KLHL7: variants seen among roughly 807,000 people sequenced by gnomAD.
KLHL7 encodes kelch like family member 7, also known as kelch-like protein 7.
A neutral mutation model predicts 67.4 loss-of-function variants in KLHL7; 44 were observed. The ratio of observed to expected loss-of-function variants is 0.65; its 90% confidence interval spans 0.51 to 0.84. The LOEUF (loss-of-function observed/expected upper bound fraction) is 0.84, where lower values mean the gene tolerates loss of function less well. Ranked by LOEUF, KLHL7 falls within the 40% of genes least tolerant of loss-of-function variation. The pLI is 0.00. For synonymous variants in KLHL7, 252 were observed against 243.3 expected (o/e 1.04, Z -0.33); for missense variants, 362 against 718.1 (o/e 0.50, Z 5.67).
intron 1 of KLHL7, among the ~76,000 whole-genome samples, chr7:23,118,515 G>A (rs1010487829): frequency 2.0e-5 from 3 of 152,176 alleles, no homozygotes; most frequent in African/African-American, 7.2e-5. Context: ...TAGGAAAGAA[G>A]AATGAGCCAG....
At chr7:23,124,316 A>G (rs78950318) in intron 2 of KLHL7, among the ~76,000 whole-genome samples, 279 of 152,154 alleles carry the variant, frequency 1.8e-3, no homozygotes, top group African/African-American at 6.5e-3. Context: ...TAAAAAAAAA[A>G]TAGCTGTAGC....
chr7:23,133,743 C>T (rs1783880362), intron 4 of KLHL7, among the ~76,000 whole-genome samples: 1 of 152,048 alleles, frequency 6.6e-6, no homozygotes, highest in Non-Finnish European at 1.5e-5. Flanking sequence ...CCTCTTATTT[C>T]TTTTTCACAT....
rs1583666597 is a variant in KLHL7 at position 23,129,578 on chromosome 7, G to A, written c.442+4406G>A. ...TGTTCATCTAGCTAGTGGCCGAGTC[G>A]ACTACATTGAATTCAACCGTCCCCA... On this transcript the variant is annotated intron_variant, in intron 4 of 10. Transcript: ENST00000339077. 15 of 209,460 alleles carry A rather than the reference G, an allele frequency of 7.2e-5. 1 individual carries two copies. In the South Asian group the frequency reaches 1.1e-3, roughly 15 times the overall value. 13.0% of individuals were successfully genotyped at this position (209,460 alleles called of 1,614,324 possible).
intron 4 of KLHL7, among the ~76,000 whole-genome samples, chr7:23,132,542 T>C (rs527905752): frequency 6.6e-6 from 1 of 152,364 alleles, no homozygotes; most frequent in Admixed American, 6.5e-5. Flanking sequence ...TTCTGGTTAT[T>C]AATCCTTTGT....
In KLHL7 at chr7:23,174,728, C is replaced by G. The variant is rs920773155; in HGVS notation, c.*430C>G. On this transcript the variant is annotated 3_prime_UTR_variant, in exon 11 of 11. Coordinates refer to ENST00000339077, the MANE Select transcript of KLHL7 (RefSeq NM_001031710.3). ...CTAAGAAATAGTATGAATTGTAAGT[C>G]AAGATGGGCAACTCAGATGGAGCAG... 9.0e-5 allele frequency: 41 copies of G among 455,100 alleles called. No homozygotes were observed. In the East Asian group the frequency reaches 2.8e-3, roughly 31 times the overall value. 28.2% of individuals were successfully genotyped at this position (455,100 alleles called of 1,614,324 possible). A position where few individuals can be genotyped will look rare whatever the true frequency, so the allele number is the denominator to read the frequency against.
At chr7:23,139,088 T>G (rs1281058466) in intron 4 of KLHL7, among the ~76,000 whole-genome samples, 1 of 129,862 alleles carries the variant, frequency 7.7e-6, no homozygotes, top group African/African-American at 2.8e-5. Context: ...TTATTAATGC[T>G]AAAAAAAAAA....
chr7:23,148,268 A>G (rs1177045490), intron 6 of KLHL7, among the ~76,000 whole-genome samples: 1 of 152,204 alleles, frequency 6.6e-6, no homozygotes, highest in Non-Finnish European at 1.5e-5. Flanking sequence ...TTTTAATTAA[A>G]TGAAAACAAA....
rs979725863 is a variant in KLHL7 at position 23,165,751 on chromosome 7, A to C, written c.990A>C (p.Ala330=). The C allele has an allele frequency of 6.8e-6, 11 of 1,614,064 alleles. No homozygotes were observed. Among genetic ancestry groups the C allele is most frequent in the African/African-American group, 1.3e-5 (1 of 74,938 alleles). ...RCPFEKRRDA[A]CVFWDNVVYI... ...CCTTTGAAAAACGAAGAGATGCAGC[A>C]TGCGTGTTTTGGGACAATGTAGTAT... Residue 330 remains alanine (A), a synonymous_variant, in exon 8 of 11, where the codon GCA becomes GCC. Coordinates refer to ENST00000339077, the MANE Select transcript of KLHL7 (RefSeq NM_001031710.3).
In KLHL7 at chr7:23,152,118, A is replaced by G; in HGVS notation, c.845A>G (p.Asp282Gly). The change falls in exon 7 of 11, where the codon GAT becomes GGT. Residue 282 changes from aspartate (D) to glycine (G), a missense_variant. Coordinates refer to ENST00000339077, the MANE Select transcript of KLHL7 (RefSeq NM_001031710.3). ...LSPEDREELV[D>G]GTRPRRKKHD... ...CCAGAGGACCGAGAAGAACTTGTAG[A>G]TGGCACAAGACCTAGAAGAAAGAAA... is the stretch of plus-strand genomic sequence containing the variant. 2 of 1,613,884 alleles carry G rather than the reference A, an allele frequency of 1.2e-6. No homozygotes were observed. Among genetic ancestry groups the G allele is most frequent in the South Asian group, 1.1e-5 (1 of 91,076 alleles).
At chr7:23,149,801 G>A (rs528144478) in intron 6 of KLHL7, among the ~76,000 whole-genome samples, 21 of 152,298 alleles carry the variant, frequency 1.4e-4, no homozygotes, top group Admixed American at 2.6e-4. Context: ...TAGAGCTTGC[G>A]TCAGCATGCC....
intron 1 of KLHL7, among the ~76,000 whole-genome samples, chr7:23,113,881 T>C (rs1165665088): frequency 6.6e-6 from 1 of 152,266 alleles, no homozygotes; most frequent in African/African-American, 2.4e-5. Context: ...GTTGCCAGGC[T>C]GTTAATTCTT....
chr7:23,119,267 C>T (rs1049355831), intron 1 of KLHL7, among the ~76,000 whole-genome samples: 1 of 152,038 alleles, frequency 6.6e-6, no homozygotes, highest in African/African-American at 2.4e-5. Context: ...TGTAGTGGCA[C>T]GATCTCTGCT....
chr7:23,133,653 C>CA (rs772600688), intron 4 of KLHL7, among the ~76,000 whole-genome samples: 1 of 152,118 alleles, frequency 6.6e-6, no homozygotes, highest in Non-Finnish European at 1.5e-5. Context: ...AGGCTGTTCT[C>CA]AAACTCCTGA....
intron 5 of KLHL7, among the ~76,000 whole-genome samples, chr7:23,142,587 A>C (rs1413076306): frequency 2.0e-5 from 3 of 152,202 alleles, no homozygotes; most frequent in Non-Finnish European, 4.4e-5. Flanking sequence ...CATTAGCATC[A>C]TCAGTGATGT....
chr7:23,128,494 G>A (rs1339059124), intron 4 of KLHL7, among the ~76,000 whole-genome samples: 1 of 145,646 alleles, frequency 6.9e-6, no homozygotes, highest in Non-Finnish European at 1.5e-5. Context: ...TATTAAACCT[G>A]ATCAATGAAC....
At chr7:23,126,888 G>C (rs1783594091) in intron 4 of KLHL7, among the ~76,000 whole-genome samples, 1 of 152,182 alleles carries the variant, frequency 6.6e-6, no homozygotes, top group Non-Finnish European at 1.5e-5. Context: ...AGGTAGCCAT[G>C]GGTCTACATA....
chr7:23,114,469 A>G (rs1783004340), intron 1 of KLHL7, among the ~76,000 whole-genome samples: 2 of 152,150 alleles, frequency 1.3e-5, no homozygotes, highest in African/African-American at 4.8e-5. Flanking sequence ...TGAGTTGAGA[A>G]TCTCAGTGGG....
Position 23,117,800 on chromosome 7 carries a change from C to A in KLHL7, c.121-5977C>A, listed in dbSNP as rs965393592. Reference sequence around the variant, plus strand: ...AATCCAAGAAAATTATTTACCCCATCTAATAAGGGCCTCATTTCCCTTTAT... The same window carrying A: ...AATCCAAGAAAATTATTTACCCCATATAATAAGGGCCTCATTTCCCTTTAT... On this transcript the variant is annotated intron_variant, in intron 1 of 10. Coordinates refer to ENST00000339077, the MANE Select transcript of KLHL7 (RefSeq NM_001031710.3). The A allele has an allele frequency of 9.0e-6, 14 of 1,559,146 alleles. No individual in the cohort carries two copies. In the African/African-American group the frequency reaches 1.8e-4, roughly 20 times the overall value.
intron 4 of KLHL7, among the ~76,000 whole-genome samples, chr7:23,126,817 G>T (rs1783591678): frequency 1.3e-5 from 2 of 152,178 alleles, no homozygotes; most frequent in African/African-American, 4.8e-5. Context: ...AAAGGGATTG[G>T]ACTAGATGGA....
Sources: allele counts gnomAD v4.1 joint callset (sites outside exome capture counted in the v4.1 genomes callset), GRCh38; gene constraint gnomAD v4.1.1; transcripts MANE v1.5; gene names NCBI Gene and HGNC (gene_info 2026-07-23, HGNC 2026-07-21).